KALRN: variants seen among roughly 807,000 people sequenced by gnomAD.
KALRN encodes the protein kalirin.
In KALRN, 70 loss-of-function variants were observed where a neutral mutation model predicts 353.7. The observed-to-expected ratio is 0.20, with a 90% CI of 0.16 to 0.24. The LOEUF (loss-of-function observed/expected upper bound fraction) is 0.24, where lower values mean the gene tolerates loss of function less well. Ranked by LOEUF, KALRN falls within the 10% of genes least tolerant of loss-of-function variation. The probability of loss-of-function intolerance (pLI) is 1.00; values close to 1 mark genes in which losing one functional copy is unlikely to be tolerated. For missense variants in KALRN, 2,791 were observed against 3,756.7 expected (o/e 0.74, Z 6.72); for synonymous variants, 1,391 against 1,434.8 (o/e 0.97, Z 0.69).
intron 28 of KALRN, among the ~76,000 whole-genome samples, chr3:124,485,866 C>T (rs981820918): frequency 2.6e-5 from 4 of 151,900 alleles, no homozygotes; most frequent in South Asian, 2.1e-4. Flanking sequence ...GGTGATAGAG[C>T]GAGACTCTGT....
At chr3:124,128,667 G>GA (rs1243001197) in intron 1 of KALRN, among the ~76,000 whole-genome samples, 1 of 152,150 alleles carries the variant, frequency 6.6e-6, no homozygotes, top group Non-Finnish European at 1.5e-5. Flanking sequence ...ACAGAGCCAT[G>GA]AAAAACCTTG....
rs112187421 is a variant in KALRN at position 124,328,730 on chromosome 3, C to T, written c.1285-1131C>T. 2.4e-4 allele frequency among the ~76,000 whole-genome samples: 36 copies of T among 152,302 alleles called. 1 individual carries two copies. The highest frequency in any genetic ancestry group is 7.2e-4 in the African/African-American group (30 of 41,562). On this transcript the variant is annotated intron_variant, in intron 7 of 59. Transcript: ENST00000682506. ...AGTGACAACAAAACTAGAACGCAAA[C>T]GGTTGCTGTACCAGAACTGAGAAAA...
chr3:124,186,807 G>C (rs1446398137), intron 1 of KALRN, among the ~76,000 whole-genome samples: 1 of 152,112 alleles, frequency 6.6e-6, no homozygotes, highest in Non-Finnish European at 1.5e-5. Flanking sequence ...GACTTAAGAT[G>C]TTTTGCTCCT....
At chr3:124,314,465 G>A (rs187611416) in intron 6 of KALRN, among the ~76,000 whole-genome samples, 5 of 151,896 alleles carry the variant, frequency 3.3e-5, no homozygotes, top group Middle Eastern at 3.4e-3. Context: ...AAACCCACAC[G>A]TTGTGCACAT....
chr3:124,305,962 C>T lies in KALRN; in HGVS notation c.1092+7049C>T, dbSNP rs558314931. ...AACCAGATGTCAGATTTTACAAAGA[C>T]CTTAAAATTGCTATTATAGATATGT... On this transcript the variant is annotated intron_variant, in intron 6 of 59. Transcript: ENST00000682506. Among the ~76,000 whole-genome samples the T allele has an allele frequency of 2.9e-4, 44 of 151,984 alleles. No homozygotes were observed. The South Asian group carries it at 8.1e-3, about 28-fold the overall frequency.
At chr3:124,221,749 T>TG (rs1215821715) in intron 1 of KALRN, among the ~76,000 whole-genome samples, 2 of 152,058 alleles carry the variant, frequency 1.3e-5, no homozygotes, top group Non-Finnish European at 2.9e-5. Context: ...ATGGTCAGAT[T>TG]GGGGGAAGGG....
intron 10 of KALRN, among the ~76,000 whole-genome samples, chr3:124,378,696 A>T (rs201272554): frequency 5.1e-5 from 7 of 137,810 alleles, no homozygotes; most frequent in African/African-American, 1.6e-4. Flanking sequence ...TTTTTTTTTT[A>T]TTTGTTTTGT....
intron 3 of KALRN, among the ~76,000 whole-genome samples, chr3:124,253,257 A>G (rs2071429748): frequency 1.3e-5 from 2 of 152,228 alleles, no homozygotes; most frequent in African/African-American, 4.8e-5. Context: ...ATTCTGGCAC[A>G]AATGGGTCAG....
chr3:124,157,565 A>G (rs1261265232), intron 1 of KALRN, among the ~76,000 whole-genome samples: 1 of 152,262 alleles, frequency 6.6e-6, no homozygotes, highest in East Asian at 1.9e-4. Context: ...GTCAGATTCA[A>G]TGTATAAATA....
In KALRN at chr3:124,125,392, A is replaced by G. The variant is rs1230260768; in HGVS notation, c.73+91579A>G. 2.0e-5 allele frequency among the ~76,000 whole-genome samples: 3 copies of G among 152,214 alleles called. No homozygotes were observed. The East Asian group carries it at 5.8e-4, about 29-fold the overall frequency. Reference sequence around the variant, plus strand: ...AGACAACTACACATGAAATGACTCAAAGATACTGATTATCATGATGACAGG... The same window carrying G: ...AGACAACTACACATGAAATGACTCAGAGATACTGATTATCATGATGACAGG... On this transcript the variant is annotated intron_variant, in intron 1 of 59. Coordinates refer to ENST00000682506, the MANE Select transcript of KALRN (RefSeq NM_001388419.1).
chr3:124,077,171 C>T (rs1344266063), intron 1 of KALRN, among the ~76,000 whole-genome samples: 1 of 152,178 alleles, frequency 6.6e-6, no homozygotes, highest in Non-Finnish European at 1.5e-5. Context: ...ACATTGTCTG[C>T]GCTGGGTCAG....
chr3:124,291,930 C>A (rs1394584416), intron 5 of KALRN, among the ~76,000 whole-genome samples: 1 of 152,204 alleles, frequency 6.6e-6, no homozygotes, highest in African/African-American at 2.4e-5. Context: ...GCCCATATCC[C>A]AGCTGCCTCC....
intron 9 of KALRN, among the ~76,000 whole-genome samples, chr3:124,337,569 G>A (rs572005508): frequency 1.7e-4 from 26 of 152,178 alleles, no homozygotes; most frequent in African/African-American, 5.5e-4. Flanking sequence ...GGATTTTTGC[G>A]TCAATGTTCA....
intron 34 of KALRN, among the ~76,000 whole-genome samples, chr3:124,628,385 T>TTCCC (rs2080301890): frequency 8.5e-5 from 1 of 11,748 alleles, no homozygotes; most frequent in Non-Finnish European, 1.7e-4. Context: ...CCTTCCCTCC[T>TTCCC]TCCTTCCTTC....
chr3:124,584,950 T>C (rs1246923467), intron 34 of KALRN: 5 of 1,508,958 alleles, frequency 3.3e-6, no homozygotes, highest in South Asian at 1.2e-5. Flanking sequence ...TTAGCCAGAC[T>C]GGTCGCGCTC....
At chr3:124,156,325 G>A (rs2068988417) in intron 1 of KALRN, among the ~76,000 whole-genome samples, 1 of 152,184 alleles carries the variant, frequency 6.6e-6, no homozygotes, top group African/African-American at 2.4e-5. Context: ...TGGTGAACAA[G>A]TGCAGTTGAA....
intron 33 of KALRN, among the ~76,000 whole-genome samples, chr3:124,528,265 A>C (rs2067755222): frequency 6.6e-6 from 1 of 152,176 alleles, no homozygotes; most frequent in Non-Finnish European, 1.5e-5. Context: ...ACAGAACTCC[A>C]GGGGACCCAG....
intron 15 of KALRN, among the ~76,000 whole-genome samples, chr3:124,425,222 A>C (rs2150387220): frequency 6.6e-6 from 1 of 152,298 alleles, no homozygotes; most frequent in Non-Finnish European, 1.5e-5. Context: ...CAGTAGGGTG[A>C]CTATAGTTAA....
chr3:124,160,237 G>T (rs1308544438), intron 1 of KALRN, among the ~76,000 whole-genome samples: 5 of 151,644 alleles, frequency 3.3e-5, no homozygotes, highest in African/African-American at 9.7e-5. Context: ...TTCCATGCCG[G>T]CCTGGATGGA....
Sources: gnomAD v4.1 joint callset for allele counts (sites outside exome capture counted in the v4.1 genomes callset) on GRCh38, gnomAD v4.1.1 for gene constraint, MANE v1.5 for transcripts, NCBI Gene and HGNC (gene_info 2026-07-23, HGNC 2026-07-21) for gene names.